The following FAAH2 variants were observed in gnomAD, a reference collection of about 807,000 sequenced individuals.
FAAH2 encodes fatty-acid amide hydrolase 2.
In FAAH2, 60 loss-of-function variants were observed where a neutral mutation model predicts 36.9. The observed-to-expected ratio is 1.63, with a 90% CI of 1.32 to 2.02. The LOEUF (loss-of-function observed/expected upper bound fraction) is 2.02. Ranked by LOEUF, FAAH2 falls within the 30% of genes most tolerant of loss-of-function variation. The probability of loss-of-function intolerance (pLI) is 0.00; values close to 1 mark genes in which losing one functional copy is unlikely to be tolerated. For missense variants in FAAH2, 689 were observed against 397.5 expected (o/e 1.73, Z -6.23); for synonymous variants, 214 against 143.8 (o/e 1.49, Z -3.49).
chrX:57,445,922 G>A (rs2056664359), intron 8 of FAAH2, among the ~76,000 whole-genome samples: 1 of 112,275 alleles, frequency 8.9e-6, no homozygotes, highest in East Asian at 2.8e-4. Flanking sequence ...AGGTCTGATG[G>A]CCACTCAAAT....
chrX:57,355,088 C>T (rs1414708280), intron 5 of FAAH2, among the ~76,000 whole-genome samples: 4 of 110,630 alleles, frequency 3.6e-5, no homozygotes, highest in Non-Finnish European at 7.6e-5. Flanking sequence ...GTAACTATGC[C>T]TGTTACTAAA....
chrX:57,370,962 T>TAGACCA (rs770863953), intron 5 of FAAH2, among the ~76,000 whole-genome samples: 4 of 111,907 alleles, frequency 3.6e-5, no homozygotes, highest in Non-Finnish European at 7.5e-5. Flanking sequence ...CAAATGGTAC[T>TAGACCA]AATAGACATT....
intron 7 of FAAH2, among the ~76,000 whole-genome samples, chrX:57,385,964 A>G (rs1026222688): frequency 2.2e-4 from 24 of 111,147 alleles, no homozygotes; most frequent in South Asian, 3.8e-4. Flanking sequence ...TTTGAAAGTC[A>G]TGTTATAAAA....
In FAAH2 at chrX:57,378,765, T is replaced by A; in HGVS notation, c.857T>A (p.Met286Lys). Residue 286 changes from methionine (M) to lysine (K), a missense_variant, in exon 6 of 11, where the codon ATG becomes AAG. By Grantham distance (95) the Met-to-Lys change is moderately conservative. Coordinates refer to ENST00000374900, the MANE Select transcript of FAAH2 (RefSeq NM_174912.4). Reference protein sequence around the residue: ...AEDLAPMLKVMAGPGIKRLKL... With the variant: ...AEDLAPMLKVKAGPGIKRLKL... ...GACCTGGCCCCCATGTTGAAGGTCATGGCAGGACCTGGGATCAAAAGGTAT... is the reference window on the plus strand; with the variant it reads ...GACCTGGCCCCCATGTTGAAGGTCAAGGCAGGACCTGGGATCAAAAGGTAT... The A allele has an allele frequency of 2.5e-6, 3 of 1,209,794 alleles. No individual in the cohort carries two copies. The highest frequency in any genetic ancestry group is 3.4e-6 in the Non-Finnish European group (3 of 894,575).
rs765951782 is a variant in FAAH2 at position 57,292,563 on chromosome X, T to A, written c.258T>A (p.Asn86Lys). ...NRIKDVNPMI[N>K]GIVKYRFEEA... ...TCAAGGACGTGAACCCAATGATCAA[T>A]GGAATTGTCAAGTACAGGTGAGCAT... The change falls in exon 2 of 11, where the codon AAT (asparagine) becomes AAA (lysine). Residue 86 changes from asparagine to lysine, a missense_variant. Physicochemically the swap from Asn to Lys is moderately conservative, Grantham distance 94 (BLOSUM62 0). Transcript: ENST00000374900. The A allele has an allele frequency of 9.1e-6, 11 of 1,207,671 alleles. No individual in the cohort carries two copies. Among genetic ancestry groups the A allele is most frequent in the Non-Finnish European group, 1.2e-5 (11 of 893,611 alleles).
intron 7 of FAAH2, among the ~76,000 whole-genome samples, chrX:57,426,520 A>T (rs765535954): frequency 8.9e-6 from 1 of 112,046 alleles, no homozygotes; most frequent in African/African-American, 3.2e-5. Flanking sequence ...AGCCTCAATA[A>T]GTTTTAAGAA....
chrX:57,362,255 G>C (rs1219367834), intron 5 of FAAH2, among the ~76,000 whole-genome samples: 2 of 111,010 alleles, frequency 1.8e-5, no homozygotes, highest in Non-Finnish European at 3.8e-5. Flanking sequence ...CAGAAGAACA[G>C]AAAACCAAAC....
chrX:57,276,720 C>A, the FAAH2 span, among the ~76,000 whole-genome samples: 1 of 111,153 alleles, frequency 9.0e-6, no homozygotes, highest in African/African-American at 3.3e-5. Context: ...CAAATAGACA[C>A]AATAAAAAAT....
chrX:57,172,335 G>T, the FAAH2 span, among the ~76,000 whole-genome samples: 6 of 111,340 alleles, frequency 5.4e-5, no homozygotes, highest in South Asian at 3.8e-4. Flanking sequence ...GGTGTGAGAC[G>T]TGGGGAGTGG....
the FAAH2 span, among the ~76,000 whole-genome samples, chrX:57,124,000 T>G: frequency 1.1e-4 from 12 of 111,822 alleles, no homozygotes; most frequent in Middle Eastern, 4.6e-3. Flanking sequence ...AGAAGCTCTT[T>G]AGTTTAATTA....
At chrX:57,226,156 G>A in the FAAH2 span, among the ~76,000 whole-genome samples, 2 of 112,015 alleles carry the variant, frequency 1.8e-5, no homozygotes, top group East Asian at 2.8e-4. Flanking sequence ...TGAAATGTGA[G>A]GTACTCTTGC....
At chrX:57,334,479 A>G (rs1258042365) in intron 4 of FAAH2, among the ~76,000 whole-genome samples, 1 of 111,254 alleles carries the variant, frequency 9.0e-6, no homozygotes, top group Non-Finnish European at 1.9e-5. Flanking sequence ...TTCATAGAGA[A>G]AAAAAGAATA....
chrX:57,449,487 G>A (rs188544085), intron 10 of FAAH2, among the ~76,000 whole-genome samples: 5 of 111,852 alleles, frequency 4.5e-5, no homozygotes, highest in Admixed American at 9.5e-5. Flanking sequence ...TCTATGCCTT[G>A]CAGTGTTGCA....
the FAAH2 span, among the ~76,000 whole-genome samples, chrX:57,186,108 A>G: frequency 2.7e-5 from 3 of 111,556 alleles, no homozygotes; most frequent in Admixed American, 9.5e-5. Context: ...ACTGGGACCA[A>G]TGGTATTTCT....
intron 3 of FAAH2, among the ~76,000 whole-genome samples, chrX:57,321,299 G>T (rs61526704): frequency 0.078 from 8,538 of 109,206 alleles, 826 homozygotes; most frequent in African/African-American, 0.26. Flanking sequence ...ACAGGGAGGG[G>T]ACCATCACAC....
At chrX:57,361,187 T>C (rs757733666) in intron 5 of FAAH2, among the ~76,000 whole-genome samples, 1 of 112,269 alleles carries the variant, frequency 8.9e-6, no homozygotes, top group South Asian at 3.7e-4. Context: ...TCTATCTCAT[T>C]ACTCATAATT....
rs1453899761 is a variant in FAAH2 at position 57,488,742 on chromosome X, GT to G, written c.1424-12del. 3 of 1,203,166 alleles carry G rather than the reference GT, an allele frequency of 2.5e-6. No homozygotes were observed. Among genetic ancestry groups the G allele is most frequent in the African/African-American group, 1.8e-5 (1 of 56,914 alleles). The stretch of plus-strand genomic sequence containing the variant: ...CAGGTCTTGATTTCTCACTTATTTT[GT>G]TTGTTTTCTTCAGGTGTCTTCAGTG... On this transcript the variant is annotated splice_polypyrimidine_tract_variant and intron_variant, in intron 10 of 10. Transcript: ENST00000374900.
the FAAH2 span, among the ~76,000 whole-genome samples, chrX:57,139,697 G>A: frequency 4.5e-5 from 5 of 111,205 alleles, no homozygotes; most frequent in East Asian, 2.8e-4. Flanking sequence ...CTCGTGATCC[G>A]CCCGCCTTGG....
In FAAH2 at chrX:57,310,629, T is replaced by C; in HGVS notation, c.312T>C (p.Asp104=). 8.3e-7 allele frequency: 1 copy of C among 1,209,941 alleles called. No homozygotes were observed. Among genetic ancestry groups the C allele is most frequent in the African/African-American group, 1.7e-5 (1 of 57,761 alleles). ...EEAMKEAHAV[D]QKLAEKQEDE... is the part of the protein sequence containing the mutation. ...CGATGAAGGAGGCTCATGCTGTAGA[T>C]CAAAAGCTTGCAGAGAAGCAGGAAG... Residue 104 remains aspartate, a synonymous_variant, in exon 3 of 11, where the codon GAT becomes GAC. Transcript: ENST00000374900.
Sources: gnomAD v4.1 joint callset for allele counts (sites outside exome capture counted in the v4.1 genomes callset) on GRCh38, gnomAD v4.1.1 for gene constraint, MANE v1.5 for transcripts, NCBI Gene and HGNC (gene_info 2026-07-23, HGNC 2026-07-21) for gene names.